The following WDR62 variants were observed in gnomAD, a reference collection of about 807,000 sequenced individuals.
The protein encoded by WDR62 is WD repeat domain 62, also known as WD repeat-containing protein 62.
Under a neutral mutation model 160.6 loss-of-function variants are expected in WDR62, and 112 were observed. That is an observed-to-expected ratio of 0.70 (90% confidence interval 0.60 to 0.82). WDR62 has a LOEUF of 0.82. Among genes scored for constraint, WDR62 ranks in the 40% least tolerant of loss-of-function variants. WDR62 has a pLI of 0.00. For synonymous variants in WDR62, 792 were observed against 815.1 expected, an observed-to-expected ratio of 0.97 and a Z score of 0.48; for missense variants, 1,819 against 1,983.8, an observed-to-expected ratio of 0.92 and a Z score of 1.58.
At chr19:36,073,803 G>A (rs921841645) in intron 9 of WDR62, 5 of 504,476 alleles carry the variant, frequency 9.9e-6, no homozygotes, top group African/African-American at 3.8e-5. Flanking sequence ...AGGGGAAGGG[G>A]AATGCAGGTG....
intron 9 of WDR62, among the ~76,000 whole-genome samples, chr19:36,074,566 G>T: frequency 6.6e-6 from 1 of 152,134 alleles, no homozygotes; most frequent in Non-Finnish European, 1.5e-5. Context: ...CGGCAGGGGG[G>T]CTGAAAATTT....
At chr19:36,109,889 AC>A (rs1444093437), downstream of WDR62, among the ~76,000 whole-genome samples, 1 of 151,302 alleles carries the variant, frequency 6.6e-6, no homozygotes, top group East Asian at 2.0e-4. Context: ...CCCCATCTCT[AC>A]AAAAAACACA....
chr19:36,099,696 C>A, intron 22 of WDR62, 79 bp downstream of exon 22: 1 of 1,390,526 alleles, frequency 7.2e-7, no homozygotes, highest in South Asian at 1.2e-5. Context: ...GGCTGACTCC[C>A]ACTCCATGGG....
At chr19:36,072,577 C>T (rs1327461873) in intron 8 of WDR62, among the ~76,000 whole-genome samples, 6 of 152,138 alleles carry the variant, frequency 3.9e-5, no homozygotes, top group African/African-American at 1.4e-4. Context: ...TGGGGGCTAC[C>T]TAACCAGGGG....
chr19:36,067,766 A>G, intron 6 of WDR62, 62 bp from the exon 7 acceptor site: 17 of 1,577,918 alleles, frequency 1.1e-5, no homozygotes, highest in South Asian at 5.5e-5. Flanking sequence ...GTGTCCTATC[A>G]TCTGGTCATG....
At chr19:36,066,131 G>A (rs1568328629) in intron 4 of WDR62, 116 bp downstream of exon 4, 3 of 1,577,954 alleles carry the variant, frequency 1.9e-6, no homozygotes, top group Non-Finnish European at 1.7e-6. Flanking sequence ...GGCCAGAACA[G>A]CCCTGTAGCA....
rs776107564 is a variant in WDR62 at position 36,073,410 on chromosome 19, A to T, written c.1112A>T (p.His371Leu). The T allele has an allele frequency of 1.2e-6, 2 of 1,614,134 alleles. No homozygotes were observed. The highest frequency in any genetic ancestry group is 1.7e-6 in the Non-Finnish European group (2 of 1,180,020). The change falls in exon 9 of 32, where the codon CAC becomes CTC. Residue 371 changes from histidine to leucine, a missense_variant. Transcript: ENST00000401500. ...GTGGCACTGACCTTCGACCCCATCC[A>T]CCAGTGGCTGTCCTGCGTGTATAAG... ...DTVALTFDPI[H>L]QWLSCVYKDH... is the part of the protein sequence containing the mutation.
chr19:36,085,036 T>C (rs1298994688), intron 12 of WDR62, among the ~76,000 whole-genome samples: 1 of 152,166 alleles, frequency 6.6e-6, no homozygotes, highest in African/African-American at 2.4e-5. Flanking sequence ...GATTGATTGT[T>C]AGGCATTATT....
chr19:36,074,745 CAAA>C (rs1380475420), intron 9 of WDR62, among the ~76,000 whole-genome samples: 2 of 152,090 alleles, frequency 1.3e-5, no homozygotes, highest in Non-Finnish European at 1.5e-5. Flanking sequence ...TTTTTCCACT[CAAA>C]GAATGTTTTT....
intron 8 of WDR62, 121 bp downstream of exon 8, chr19:36,071,837 T>C (rs1599770748): frequency 7.5e-6 from 10 of 1,330,602 alleles, no homozygotes; most frequent in Non-Finnish European, 1.0e-5. Flanking sequence ...ATCATGACTC[T>C]CAGCCCTGGG....
chr19:36,102,981 G>A lies in WDR62; in HGVS notation c.3369G>A (p.Gln1123=), dbSNP rs773542992. The A allele has an allele frequency of 6.2e-7, 1 of 1,614,018 alleles. No homozygotes were observed. The highest frequency in any genetic ancestry group is 1.3e-5 in the African/African-American group (1 of 74,948). ...ATACCTTCCCTCCCCGGGCAACCCA[G>A]TGCCTTGTGAAGTCTCCAGAGGTCA... ...FTHTFPPRAT[Q]CLVKSPEVKL... The change falls in exon 28 of 32, where the codon CAG becomes CAA. Residue 1123 remains glutamine (Q), a synonymous_variant. Coordinates refer to ENST00000401500, the MANE Select transcript of WDR62 (RefSeq NM_001083961.2).
At chr19:36,069,664 A>G (rs961209038) in intron 7 of WDR62, among the ~76,000 whole-genome samples, 1 of 152,242 alleles carries the variant, frequency 6.6e-6, no homozygotes, top group Non-Finnish European at 1.5e-5. Context: ...GGTTGTAGCT[A>G]GCCAAGATCG....
At chr19:36,107,812 C>T (rs1398727180), downstream of WDR62, among the ~76,000 whole-genome samples, 1 of 152,116 alleles carries the variant, frequency 6.6e-6, no homozygotes. Flanking sequence ...ACCATACTTT[C>T]TCCATACTTC....
chr19:36,091,472 C>T lies in WDR62; in HGVS notation c.2210+7C>T, dbSNP rs1391210252. On this transcript the variant is annotated splice_region_variant and intron_variant, in intron 18 of 31. Coordinates refer to ENST00000401500, the MANE Select transcript of WDR62 (RefSeq NM_001083961.2). The stretch of plus-strand genomic sequence containing the variant: ...TCACAGTATCTGGAGACAGGTGGGA[C>T]ATGGACCTTTGGGAGAGTTGTGGCT... The T allele has an allele frequency of 6.2e-7, 1 of 1,613,790 alleles. No individual in the cohort carries two copies. The highest frequency in any genetic ancestry group is 8.5e-7 in the Non-Finnish European group (1 of 1,179,766).
Position 36,103,383 on chromosome 19 carries a change from C to G in WDR62, c.3555C>G (p.Ser1185=), listed in dbSNP as rs145448539. The G allele has an allele frequency of 6.2e-7, 1 of 1,613,878 alleles. No homozygotes were observed. ...LTSLASCVPA[S]SVLPTDRNLP... is the part of the protein sequence containing the mutation. ...GCCTGGCGTCCTGTGTCCCTGCTTC[C>G]TCCGTGCTGCCCACAGACAGGAATC... is the stretch of plus-strand genomic sequence containing the variant. Residue 1185 remains serine, a synonymous_variant, in exon 30 of 32, where the codon TCC becomes TCG. Coordinates refer to ENST00000401500, the MANE Select transcript of WDR62 (RefSeq NM_001083961.2).
In WDR62 at chr19:36,055,042, G is replaced by A; in HGVS notation, c.71G>A (p.Gly24Glu). The A allele has an allele frequency of 6.3e-7, 1 of 1,595,386 alleles. No homozygotes were observed. Among genetic ancestry groups the A allele is most frequent in the Non-Finnish European group, 8.5e-7 (1 of 1,172,176 alleles). ...GAGAAGCTGCCCTCTGTCATGGCGG[G>A]AGTTCCGGCGCGGAGGGGCCAGTCC... ...AGEKLPSVMA[G>E]VPARRGQSSP... Residue 24 changes from glycine to glutamate, a missense_variant, in exon 1 of 32, where the codon GGA (glycine) becomes GAA (glutamate). Transcript: ENST00000401500.
intron 3 of WDR62, among the ~76,000 whole-genome samples, chr19:36,063,144 C>T (rs1476837188): frequency 6.6e-6 from 1 of 152,144 alleles, no homozygotes; most frequent in African/African-American, 2.4e-5. Flanking sequence ...GGGGTTTCCC[C>T]ATGTTGGCCA....
chr19:36,096,030 T>C (rs1315798098), intron 20 of WDR62, among the ~76,000 whole-genome samples: 1 of 152,194 alleles, frequency 6.6e-6, no homozygotes, highest in Non-Finnish European at 1.5e-5. Flanking sequence ...TGTGAGGACT[T>C]CTCCAGGAGA....
rs1264406959 is a variant in WDR62, at chr19:36,103,870, C to G, written c.4042C>G (p.Leu1348Val). 5 of 1,601,832 alleles carry G rather than the reference C, an allele frequency of 3.1e-6. No homozygotes were observed. The South Asian group carries it at 4.4e-5, about 14-fold the overall frequency. ...CCACGGCTCTGCCTTTCGCCCAAGT[C>G]TCCCAGCTCCTGAGTCCCCTGGCCT... ...RLHGSAFRPSLPAPESPGLPA... is the reference protein window; with the variant it reads ...RLHGSAFRPSVPAPESPGLPA... The change falls in exon 30 of 32, where the codon CTC (leucine) becomes GTC (valine). Residue 1348 changes from leucine to valine, a missense_variant. This residue lies in a region of WDR62 where 770 missense variants were observed against 734.2 expected (regional missense o/e 1.05). Coordinates refer to ENST00000401500, the MANE Select transcript of WDR62 (RefSeq NM_001083961.2).
Sources: allele counts gnomAD v4.1 joint callset (sites outside exome capture counted in the v4.1 genomes callset), GRCh38; gene constraint gnomAD v4.1.1; regional missense constraint gnomAD v4.1.1; transcripts MANE v1.5; gene names NCBI Gene and HGNC (gene_info 2026-07-23, HGNC 2026-07-21).